Variants in GRIA1 observed in about 807,000 individuals in gnomAD.
GRIA1 encodes glutamate ionotropic receptor AMPA type subunit 1, also known as glutamate receptor 1.
In GRIA1, 31 loss-of-function variants were observed where a neutral mutation model predicts 99.2. The observed-to-expected ratio is 0.31, with a 90% CI of 0.23 to 0.42. The LOEUF (loss-of-function observed/expected upper bound fraction) is 0.42, where lower values mean the gene tolerates loss of function less well. GRIA1 is among the 10% of genes least tolerant of loss of function. GRIA1 has a pLI of 1.00. For missense variants in GRIA1, 782 were observed against 1,157.5 expected (o/e 0.68, Z 4.71); for synonymous variants, 438 against 432.4 (o/e 1.01, Z -0.16).
At chr5:153,696,524 G>A (rs916864862) in intron 8 of GRIA1, among the ~76,000 whole-genome samples, 3 of 152,226 alleles carry the variant, frequency 2.0e-5, no homozygotes, top group African/African-American at 7.2e-5. Flanking sequence ...GACATAGCAA[G>A]AGCATCATTA....
At chr5:153,798,966 A>G (rs1407876416) in intron 14 of GRIA1, among the ~76,000 whole-genome samples, 3 of 152,178 alleles carry the variant, frequency 2.0e-5, no homozygotes, top group Admixed American at 6.5e-5. Flanking sequence ...CACCATAGCA[A>G]CAAGCCCAGC....
chr5:153,727,264 C>A (rs1760622605), intron 11 of GRIA1, among the ~76,000 whole-genome samples: 1 of 152,094 alleles, frequency 6.6e-6, no homozygotes, highest in Admixed American at 6.6e-5. Flanking sequence ...CTATGACAAA[C>A]CCACAGCCAA....
intron 8 of GRIA1, among the ~76,000 whole-genome samples, chr5:153,691,144 G>A (rs1757718637): frequency 6.6e-6 from 1 of 152,100 alleles, no homozygotes; most frequent in African/African-American, 2.4e-5. Flanking sequence ...TCATCATAAA[G>A]TTTAGGGGCT....
chr5:153,675,551 G>C (rs565006862), intron 6 of GRIA1, among the ~76,000 whole-genome samples: 6 of 152,196 alleles, frequency 3.9e-5, no homozygotes, highest in Non-Finnish European at 7.3e-5. Context: ...TGTTGAGAAG[G>C]ATACTAAGGC....
chr5:153,633,465 G>T (rs954181658), intron 2 of GRIA1, among the ~76,000 whole-genome samples: 2 of 152,150 alleles, frequency 1.3e-5, no homozygotes, highest in Non-Finnish European at 2.9e-5. Flanking sequence ...AAACGTTGGT[G>T]CAAAGGGAAC....
chr5:153,558,732 A>G (rs1166400431), intron 2 of GRIA1, among the ~76,000 whole-genome samples: 7 of 152,172 alleles, frequency 4.6e-5, no homozygotes, highest in Non-Finnish European at 1.0e-4. Flanking sequence ...CATATTGCTT[A>G]ATTTCTCTTG....
chr5:153,758,149 A>C (rs1762944985), intron 11 of GRIA1, among the ~76,000 whole-genome samples: 1 of 152,096 alleles, frequency 6.6e-6, no homozygotes, highest in Admixed American at 6.6e-5. Flanking sequence ...ACAGAATTAA[A>C]GAATCTGTTT....
At chr5:153,706,573 C>G (rs1758911702) in intron 11 of GRIA1, among the ~76,000 whole-genome samples, 1 of 152,176 alleles carries the variant, frequency 6.6e-6, no homozygotes, top group South Asian at 2.1e-4. Context: ...AGAATGCTGT[C>G]CTTTCCTATT....
chr5:153,549,440 T>G (rs1176631287), intron 2 of GRIA1, among the ~76,000 whole-genome samples: 1 of 152,076 alleles, frequency 6.6e-6, no homozygotes, highest in Non-Finnish European at 1.5e-5. Context: ...AAATTTAAAC[T>G]CTGAAAAACT....
At chr5:153,656,269 A>G (rs558571679) in intron 5 of GRIA1, among the ~76,000 whole-genome samples, 45 of 151,980 alleles carry the variant, frequency 3.0e-4, no homozygotes, top group Non-Finnish European at 4.3e-4. Context: ...ATACATTTAC[A>G]TCATAATTAC....
chr5:153,693,663 G>A (rs981535101), intron 8 of GRIA1, among the ~76,000 whole-genome samples: 14 of 152,088 alleles, frequency 9.2e-5, no homozygotes, highest in African/African-American at 2.4e-4. Context: ...TGGAAAACAC[G>A]GAGATCAAAA....
chr5:153,511,617 C>A (rs901831348), intron 2 of GRIA1, among the ~76,000 whole-genome samples: 1 of 152,172 alleles, frequency 6.6e-6, no homozygotes, highest in Non-Finnish European at 1.5e-5. Flanking sequence ...TGAATAATGT[C>A]TTGTGATGTT....
At chr5:153,795,896 G>A (rs775425643) in intron 14 of GRIA1, among the ~76,000 whole-genome samples, 1 of 152,064 alleles carries the variant, frequency 6.6e-6, no homozygotes, top group Non-Finnish European at 1.5e-5. Flanking sequence ...ACTCTTTGCT[G>A]TGGGACAGGG....
At chr5:153,761,195 G>C (rs1337183798) in intron 11 of GRIA1, among the ~76,000 whole-genome samples, 1 of 152,072 alleles carries the variant, frequency 6.6e-6, no homozygotes, top group African/African-American at 2.4e-5. Flanking sequence ...AAACTAAAAA[G>C]CTTCAGCATG....
At chr5:153,612,362 C>G (rs962182490) in intron 2 of GRIA1, among the ~76,000 whole-genome samples, 2 of 152,198 alleles carry the variant, frequency 1.3e-5, no homozygotes, top group Non-Finnish European at 2.9e-5. Flanking sequence ...ATTAACCAAC[C>G]TCATGTCACA....
intron 2 of GRIA1, among the ~76,000 whole-genome samples, chr5:153,636,509 A>G (rs574703360): frequency 1.3e-5 from 2 of 152,328 alleles, no homozygotes; most frequent in African/African-American, 4.8e-5. Flanking sequence ...TTCATGCTAT[A>G]AAAGTAGCAC....
intron 11 of GRIA1, among the ~76,000 whole-genome samples, chr5:153,726,444 A>G (rs1760535515): frequency 6.7e-6 from 1 of 149,146 alleles, no homozygotes; most frequent in African/African-American, 2.5e-5. Context: ...AAATTAATGA[A>G]TCCAGGAGCT....
chr5:153,490,038 GTCTA>G (rs937804630), upstream of GRIA1, among the ~76,000 whole-genome samples: 1 of 150,814 alleles, frequency 6.6e-6, no homozygotes, highest in African/African-American at 2.4e-5. Context: ...TCCCTTGTTT[GTCTA>G]TCTGTCATTC....
chr5:153,658,481 G>A (rs995419196), intron 5 of GRIA1, among the ~76,000 whole-genome samples: 4 of 152,136 alleles, frequency 2.6e-5, no homozygotes, highest in African/African-American at 9.7e-5. Context: ...GATGAAAATT[G>A]CATATACCAT....
Sources: gnomAD v4.1 joint callset for allele counts (sites outside exome capture counted in the v4.1 genomes callset) on GRCh38, gnomAD v4.1.1 for gene constraint, MANE v1.5 for transcripts, NCBI Gene and HGNC (gene_info 2026-07-23, HGNC 2026-07-21) for gene names.